Variants in GADL1 observed in about 807,000 individuals in gnomAD.
GADL1 encodes the protein GAD like acidic amino acid decarboxylase 1.
GADL1 carries 71 observed loss-of-function variants against 69.5 expected under a neutral mutation model. The ratio of observed to expected loss-of-function variants is 1.02; its 90% CI spans 0.84 to 1.25. The LOEUF (loss-of-function observed/expected upper bound fraction) is 1.25. Among genes scored for constraint, GADL1 ranks in the 50% most tolerant of loss-of-function variants. The pLI is 0.00. For missense variants in GADL1, 737 were observed against 631.8 expected (o/e 1.17, Z -1.79); for synonymous variants, 254 against 214.4 (o/e 1.18, Z -1.62).
At chr3:30,844,695 C>T (rs991949065) in intron 6 of GADL1, among the ~76,000 whole-genome samples, 64 of 152,128 alleles carry the variant, frequency 4.2e-4, no homozygotes, top group Non-Finnish European at 1.3e-4. Context: ...GCTATGGAAT[C>T]TTGAACAAAT....
Position 30,861,658 on chromosome 3 carries a change from C to G in GADL1, c.145G>C (p.Val49Leu). 2.6e-6 allele frequency: 4 copies of G among 1,550,474 alleles called. No homozygotes were observed. The highest frequency in any genetic ancestry group is 3.5e-6 in the Non-Finnish European group (4 of 1,146,052). The change falls in exon 2 of 15, where the codon GTT becomes CTT. Residue 49 changes from valine to leucine, a missense_variant. Coordinates refer to ENST00000282538, the MANE Select transcript of GADL1 (RefSeq NM_207359.3). ...ATTATTAGCCTACAGGCCTCTTCAA[C>G]AAATTTTTCTCCAGCTTTTGCATCT... ...TTDAKAGEKF[V>L]EEACRLIMEE...
At chr3:30,817,529 T>C in intron 11 of GADL1, among the ~76,000 whole-genome samples, 1 of 152,188 alleles carries the variant, frequency 6.6e-6, no homozygotes, top group South Asian at 2.1e-4. Context: ...TGAAATCTAT[T>C]ACAGTGGCTA....
chr3:30,828,982 G>T (rs1697739968), intron 11 of GADL1, among the ~76,000 whole-genome samples: 1 of 151,808 alleles, frequency 6.6e-6, no homozygotes, highest in Admixed American at 6.6e-5. Context: ...TCTCATACCT[G>T]TTGAGTTTTT....
At chr3:30,881,090 T>A (rs1454060617) in intron 1 of GADL1, among the ~76,000 whole-genome samples, 1 of 151,960 alleles carries the variant, frequency 6.6e-6, no homozygotes, top group Non-Finnish European at 1.5e-5. Flanking sequence ...AGCTGTAATA[T>A]TCCTTTCAAC....
Position 30,850,851 on chromosome 3 carries a change from A to AT in GADL1, c.518dup (p.Asp173GlufsTer5), listed in dbSNP as rs770567883. On this transcript the variant is annotated frameshift_variant, in exon 5 of 15. Transcript: ENST00000282538. LOFTEE classifies it high-confidence loss of function. ...TGTACTCACCTGGGTTAAATATTCCATCCCCTTCTTTCCAGCCAATAAATT... is the reference window on the plus strand; with the variant it reads ...TGTACTCACCTGGGTTAAATATTCCATTCCCCTTCTTTCCAGCCAATAAATT... The AT allele has an allele frequency of 9.0e-5, 139 of 1,546,226 alleles. No homozygotes were observed. Among genetic ancestry groups the AT allele is most frequent in the Non-Finnish European group, 1.2e-4 (134 of 1,142,304 alleles).
chr3:30,779,317 A>T (rs1253637504), intron 13 of GADL1, among the ~76,000 whole-genome samples: 2 of 152,202 alleles, frequency 1.3e-5, no homozygotes, highest in East Asian at 1.9e-4. Flanking sequence ...ACTGATTTTC[A>T]TTTTCTGCCA....
chr3:30,822,899 G>T (rs1200274475), intron 11 of GADL1, among the ~76,000 whole-genome samples: 1 of 151,894 alleles, frequency 6.6e-6, no homozygotes, highest in African/African-American at 2.4e-5. Context: ...CACTGAATAC[G>T]CAGTAGTCTC....
intron 13 of GADL1, among the ~76,000 whole-genome samples, chr3:30,783,194 T>A (rs985193173): frequency 6.6e-6 from 1 of 152,170 alleles, no homozygotes; most frequent in Non-Finnish European, 1.5e-5. Context: ...TAATAACTCC[T>A]CCTAGTGTAG....
intron 11 of GADL1, among the ~76,000 whole-genome samples, chr3:30,804,233 A>G (rs1183165522): frequency 2.6e-5 from 4 of 152,134 alleles, no homozygotes. Flanking sequence ...ATCTTGTTCT[A>G]TTGTAGCCTA....
intron 11 of GADL1, among the ~76,000 whole-genome samples, chr3:30,818,562 G>A (rs559541738): frequency 6.6e-4 from 101 of 152,138 alleles, no homozygotes; most frequent in African/African-American, 2.3e-3. Flanking sequence ...CTCAAATGCT[G>A]CTGAGAAGAG....
At chr3:30,841,898 T>A (rs1217300970) in intron 8 of GADL1, among the ~76,000 whole-genome samples, 1 of 152,262 alleles carries the variant, frequency 6.6e-6, no homozygotes, top group Admixed American at 6.5e-5. Flanking sequence ...TTAAATCTCA[T>A]TGAGTCTCAA....
intron 14 of GADL1, among the ~76,000 whole-genome samples, chr3:30,746,274 T>G (rs1695702005): frequency 6.6e-6 from 1 of 152,144 alleles, no homozygotes. Context: ...ATTATAGGCA[T>G]GAGCCACTGC....
At chr3:30,869,983 G>A (rs371792046) in intron 1 of GADL1, among the ~76,000 whole-genome samples, 2 of 152,014 alleles carry the variant, frequency 1.3e-5, no homozygotes, top group South Asian at 4.1e-4. Context: ...CTCAATGTGA[G>A]AAGCAGGAAG....
intron 9 of GADL1, among the ~76,000 whole-genome samples, chr3:30,837,659 T>A (rs1457638813): frequency 2.6e-5 from 4 of 152,120 alleles, no homozygotes; most frequent in Non-Finnish European, 5.9e-5. Context: ...AACTATATAA[T>A]CCATATGTGA....
At position 30,830,950 on chromosome 3, in the gene GADL1, C is replaced by T. The variant is rs140913032; in HGVS notation, c.1050+2903G>A. ...ATGACACCTGCTTCTCTCTCATCTC[C>T]CATAATTGATAATTGATAATAATTG... On this transcript the variant is annotated intron_variant, in intron 11 of 14. Coordinates refer to ENST00000282538, the MANE Select transcript of GADL1 (RefSeq NM_207359.3). 9.9e-3 allele frequency among the ~76,000 whole-genome samples: 1,499 copies of T among 151,666 alleles called. 19 individuals carry two copies. Among genetic ancestry groups the T allele is most frequent in the African/African-American group, 0.035 (1,445 of 41,310 alleles).
At chr3:30,842,137 G>A (rs932572964) in intron 8 of GADL1, among the ~76,000 whole-genome samples, 4 of 152,130 alleles carry the variant, frequency 2.6e-5, no homozygotes, top group African/African-American at 9.7e-5. Context: ...TCAACCAAAT[G>A]CAATTTGTGA....
chr3:30,873,565 T>C (rs1575243942), intron 1 of GADL1, among the ~76,000 whole-genome samples: 1 of 152,080 alleles, frequency 6.6e-6, no homozygotes, highest in East Asian at 1.9e-4. Context: ...ATTTTTGTAC[T>C]CCTAAAGCAA....
intron 12 of GADL1, chr3:30,799,963 AT>A (rs1465127179): frequency 6.6e-6 from 1 of 152,274 alleles, no homozygotes; most frequent in African/African-American, 2.4e-5. Context: ...TCGTATCACT[AT>A]CAGCATTTTT....
intron 11 of GADL1, among the ~76,000 whole-genome samples, chr3:30,810,418 G>GAT (rs141146207): frequency 3.1e-4 from 47 of 151,990 alleles, no homozygotes; most frequent in African/African-American, 7.0e-4. Context: ...TAGATATAGA[G>GAT]ATATATATAT....
Sources: allele counts gnomAD v4.1 joint callset (sites outside exome capture counted in the v4.1 genomes callset), GRCh38; gene constraint gnomAD v4.1.1; transcripts MANE v1.5; gene names NCBI Gene and HGNC (gene_info 2026-07-23, HGNC 2026-07-21).